Variants in SHANK2 observed in about 807,000 individuals in gnomAD.
The protein encoded by SHANK2 is SH3 and multiple ankyrin repeat domains protein 2.
Under a neutral mutation model 133.7 loss-of-function variants are expected in SHANK2, and 43 were observed. That is an observed-to-expected ratio of 0.32 (90% CI 0.25 to 0.41). The LOEUF is 0.41. SHANK2 is among the 10% of genes least tolerant of loss of function. The pLI is 1.00. For synonymous variants in SHANK2, 1,017 were observed against 952.8 expected (o/e 1.07, Z -1.24); for missense variants, 1,994 against 2,235.8 (o/e 0.89, Z 2.18).
chr11:70,852,279 G>GA (rs1247680398), intron 11 of SHANK2, among the ~76,000 whole-genome samples: 6 of 152,346 alleles, frequency 3.9e-5, no homozygotes, highest in African/African-American at 1.4e-4. Flanking sequence ...AAGCTTTAAA[G>GA]AAAGAATATT....
intron 11 of SHANK2, among the ~76,000 whole-genome samples, chr11:70,838,641 T>A (rs1333944444): frequency 6.6e-6 from 1 of 152,166 alleles, no homozygotes; most frequent in Non-Finnish European, 1.5e-5. Flanking sequence ...CTCAATTCTA[T>A]ACTCTATCTC....
At chr11:70,676,687 T>C (rs1165474072) in intron 15 of SHANK2, among the ~76,000 whole-genome samples, 2 of 152,184 alleles carry the variant, frequency 1.3e-5, no homozygotes, top group Non-Finnish European at 2.9e-5. Context: ...TAGTTATTAA[T>C]TAGAAGATAC....
intron 10 of SHANK2, among the ~76,000 whole-genome samples, chr11:70,915,708 C>A (rs1156963421): frequency 6.6e-6 from 1 of 152,174 alleles, no homozygotes; most frequent in Non-Finnish European, 1.5e-5. Context: ...GGGCTGCCTG[C>A]CTCGCGGGAC....
At chr11:70,738,177 G>A (rs1555033997) in intron 14 of SHANK2, among the ~76,000 whole-genome samples, 1 of 152,278 alleles carries the variant, frequency 6.6e-6, no homozygotes, top group Non-Finnish European at 1.5e-5. Flanking sequence ...CATTCCAGGA[G>A]GGGCTTGGCA....
chr11:70,658,553 A>G (rs1275174142), intron 17 of SHANK2, among the ~76,000 whole-genome samples: 2 of 152,204 alleles, frequency 1.3e-5, no homozygotes, highest in Admixed American at 1.3e-4. Context: ...CTTCCAGCAA[A>G]TCAAAGAGAT....
At position 70,873,088 on chromosome 11, in the gene SHANK2, G is replaced by A. The variant is rs1246151936; in HGVS notation, c.1174+23413C>T. The A allele has an allele frequency of 1.5e-5, 7 of 471,286 alleles. No individual in the cohort carries two copies. In the East Asian group the frequency reaches 4.9e-4, roughly 33 times the overall value. The allele number at this position is 471,286 out of a possible 1,614,324, so 29.2% of individuals were successfully genotyped here. On this transcript the variant is annotated intron_variant, in intron 11 of 25. Transcript: ENST00000601538. ...CCCGGGTGGCGACCCTCAGGAAGGT[G>A]AAACCTGCAGCTTGGGCCCTGCAGT...
At chr11:70,715,071 C>A (rs1945879574) in intron 14 of SHANK2, among the ~76,000 whole-genome samples, 1 of 152,052 alleles carries the variant, frequency 6.6e-6, no homozygotes. Flanking sequence ...TCCCAAAGCA[C>A]TGGGATTACA....
At position 70,798,051 on chromosome 11, in the gene SHANK2, C is replaced by T. The variant is rs114044887; in HGVS notation, c.1777+392G>A. ...GCAGTTTTTACGGAGGCGTTTGCTA[C>T]GTGTTCTCAGGGCGGCACAGGAGCA... On this transcript the variant is annotated intron_variant, in intron 14 of 25. Coordinates refer to ENST00000601538, the MANE Select transcript of SHANK2 (RefSeq NM_012309.5). Among the ~76,000 whole-genome samples the T allele has an allele frequency of 4.8e-3, 737 of 152,250 alleles. 8 individuals are homozygous for T. The highest frequency in any genetic ancestry group is 0.017 in the African/African-American group (704 of 41,544).
intron 11 of SHANK2, among the ~76,000 whole-genome samples, chr11:70,842,285 A>G (rs1179125927): frequency 6.6e-6 from 1 of 152,186 alleles, no homozygotes; most frequent in Non-Finnish European, 1.5e-5. Flanking sequence ...CCCATGCTGG[A>G]AAGAGACAGA....
intron 11 of SHANK2, among the ~76,000 whole-genome samples, chr11:70,843,805 C>T (rs1435064756): frequency 6.6e-6 from 1 of 152,138 alleles, no homozygotes; most frequent in Non-Finnish European, 1.5e-5. Context: ...ACACACGAGT[C>T]AACTTCCCTA....
At chr11:70,771,277 G>A (rs1222890170) in intron 14 of SHANK2, among the ~76,000 whole-genome samples, 9 of 152,172 alleles carry the variant, frequency 5.9e-5, no homozygotes, top group Non-Finnish European at 1.0e-4. Flanking sequence ...GCACACCATC[G>A]CGAAGGAGTG....
chr11:70,477,429 TCTC>T (rs1360430736), intron 25 of SHANK2: 1 of 152,132 alleles, frequency 6.6e-6, no homozygotes, highest in African/African-American at 2.4e-5. Context: ...AAGCTTGTCT[TCTC>T]CTTCTTTGGC....
chr11:71,222,346 G>A (rs2135734142), intron 2 of SHANK2, among the ~76,000 whole-genome samples: 1 of 152,346 alleles, frequency 6.6e-6, no homozygotes, highest in South Asian at 2.1e-4. Context: ...CGCCAGGGTT[G>A]CAGGGTTGCA....
intron 6 of SHANK2, among the ~76,000 whole-genome samples, chr11:71,100,294 T>A (rs1951697330): frequency 1.3e-5 from 2 of 152,166 alleles, no homozygotes; most frequent in Non-Finnish European, 2.9e-5. Flanking sequence ...AAAACTTACG[T>A]CCACAAGGAA....
At chr11:70,875,979 A>T (rs952125627) in intron 11 of SHANK2, among the ~76,000 whole-genome samples, 1 of 151,500 alleles carries the variant, frequency 6.6e-6, no homozygotes, top group Non-Finnish European at 1.5e-5. Context: ...CAACATGGAG[A>T]AACCCCGTCT....
At chr11:70,652,839 C>T (rs1311859186) in intron 17 of SHANK2, among the ~76,000 whole-genome samples, 1 of 152,146 alleles carries the variant, frequency 6.6e-6, no homozygotes, top group Non-Finnish European at 1.5e-5. Context: ...AATGCCAGCC[C>T]TGTGCTCAGC....
At chr11:71,215,503 T>C (rs565173729) in intron 2 of SHANK2, among the ~76,000 whole-genome samples, 4 of 152,286 alleles carry the variant, frequency 2.6e-5, no homozygotes, top group African/African-American at 9.6e-5. Flanking sequence ...ACAGGCCCCC[T>C]GAGCGAACGT....
chr11:71,196,525 C>T (rs1335844133), intron 2 of SHANK2, among the ~76,000 whole-genome samples: 1 of 151,730 alleles, frequency 6.6e-6, no homozygotes, highest in Non-Finnish European at 1.5e-5. Flanking sequence ...GCCTCATGAT[C>T]CACCCATCTC....
At chr11:70,747,740 T>C (rs1248826521) in intron 14 of SHANK2, among the ~76,000 whole-genome samples, 2 of 152,324 alleles carry the variant, frequency 1.3e-5, no homozygotes, top group East Asian at 1.9e-4. Flanking sequence ...ATAGTGTGCA[T>C]ATGTGTGAAC....
Sources: gnomAD v4.1 joint callset for allele counts (sites outside exome capture counted in the v4.1 genomes callset) on GRCh38, gnomAD v4.1.1 for gene constraint, MANE v1.5 for transcripts, NCBI Gene and HGNC (gene_info 2026-07-23, HGNC 2026-07-21) for gene names.